The following FBXL17 variants were observed in gnomAD, a reference collection of about 807,000 sequenced individuals.
FBXL17 encodes F-box/LRR-repeat protein 17.
A neutral mutation model predicts 66.2 loss-of-function variants in FBXL17; 22 were observed. That is an observed-to-expected ratio of 0.33 (90% CI 0.24 to 0.47). FBXL17 has a LOEUF of 0.47. Among genes scored for constraint, FBXL17 ranks in the 20% least tolerant of loss-of-function variants. The pLI, the probability that FBXL17 is intolerant of heterozygous loss-of-function variation, is 1.00. For synonymous variants in FBXL17, 474 were observed against 400.5 expected (o/e 1.18, Z -2.19); for missense variants, 878 against 948.2 (o/e 0.93, Z 0.97).
intron 7 of FBXL17, among the ~76,000 whole-genome samples, chr5:107,993,023 G>A (rs1174927553): frequency 1.3e-5 from 2 of 151,996 alleles, no homozygotes; most frequent in Non-Finnish European, 2.9e-5. Flanking sequence ...AGCCTCCCGA[G>A]TAGCTGGGAC....
At chr5:108,010,445 GC>G (rs1754131681) in intron 7 of FBXL17, among the ~76,000 whole-genome samples, 1 of 152,184 alleles carries the variant, frequency 6.6e-6, no homozygotes, top group Non-Finnish European at 1.5e-5. Context: ...GAATGAGGAT[GC>G]TTTAAAACCT....
At chr5:108,219,248 T>A (rs1268208625) in intron 5 of FBXL17, among the ~76,000 whole-genome samples, 1 of 152,206 alleles carries the variant, frequency 6.6e-6, no homozygotes, top group Non-Finnish European at 1.5e-5. Context: ...GATGGGAGTA[T>A]TGGAAAATTT....
chr5:107,875,579 T>C (rs976383062), intron 8 of FBXL17, among the ~76,000 whole-genome samples: 10 of 152,178 alleles, frequency 6.6e-5, no homozygotes, highest in African/African-American at 1.7e-4. Flanking sequence ...AAAGAGCTGA[T>C]TGGTTTCTAT....
chr5:108,323,275 A>C (rs918256803), intron 4 of FBXL17, among the ~76,000 whole-genome samples: 2 of 151,838 alleles, frequency 1.3e-5, no homozygotes, highest in Non-Finnish European at 2.9e-5. Flanking sequence ...TAAAAAAAAA[A>C]CATAAAAAAT....
chr5:108,172,409 A>G lies in FBXL17; in HGVS notation c.1745+13708T>C, dbSNP rs377721735. Among the ~76,000 whole-genome samples the G allele has an allele frequency of 4.6e-4, 70 of 152,326 alleles. 2 individuals are homozygous for G. The South Asian group carries it at 0.014, about 30-fold the overall frequency. On this transcript the variant is annotated intron_variant, in intron 6 of 8. Coordinates refer to ENST00000542267, the MANE Select transcript of FBXL17 (RefSeq NM_001163315.3). The stretch of plus-strand genomic sequence containing the variant: ...GCAAAAGACTCCACCTTTTGATGGG[A>G]GGACAGGCAACGTCATATTGCACAA...
chr5:108,112,364 T>C (rs537888393), intron 6 of FBXL17, among the ~76,000 whole-genome samples: 1 of 152,320 alleles, frequency 6.6e-6, no homozygotes, highest in Admixed American at 6.5e-5. Flanking sequence ...TCACAGGGCA[T>C]TGAGTCAAGG....
intron 7 of FBXL17, among the ~76,000 whole-genome samples, chr5:107,901,118 C>T (rs1004597478): frequency 3.0e-4 from 45 of 152,188 alleles, no homozygotes; most frequent in African/African-American, 9.9e-4. Context: ...ATATTTGTAA[C>T]GATTCTTCAG....
chr5:108,257,171 C>A (rs1176016260), intron 4 of FBXL17, among the ~76,000 whole-genome samples: 1 of 152,050 alleles, frequency 6.6e-6, no homozygotes, highest in South Asian at 2.1e-4. Flanking sequence ...TTTAATGTGA[C>A]GTAATGAAAA....
chr5:108,067,163 A>G (rs1355128491), intron 6 of FBXL17, among the ~76,000 whole-genome samples: 1 of 152,186 alleles, frequency 6.6e-6, no homozygotes, highest in Non-Finnish European at 1.5e-5. Context: ...TTAATAATTT[A>G]CACAACATAG....
At chr5:108,257,958 C>T (rs529444724) in intron 4 of FBXL17, among the ~76,000 whole-genome samples, 17 of 152,204 alleles carry the variant, frequency 1.1e-4, no homozygotes, top group African/African-American at 4.1e-4. Flanking sequence ...ACCTTGATCT[C>T]AAAGACTGAT....
chr5:107,908,249 T>A (rs1041654069), intron 7 of FBXL17, among the ~76,000 whole-genome samples: 1 of 152,194 alleles, frequency 6.6e-6, no homozygotes. Flanking sequence ...GGCTAAGAAC[T>A]AATTCTGATG....
intron 6 of FBXL17, among the ~76,000 whole-genome samples, chr5:108,177,409 C>T (rs1040893018): frequency 3.3e-5 from 5 of 152,028 alleles, no homozygotes; most frequent in African/African-American, 9.7e-5. Flanking sequence ...TTTAGATATC[C>T]CATATGGAAA....
At chr5:108,311,344 G>C (rs1270618591) in intron 4 of FBXL17, among the ~76,000 whole-genome samples, 1 of 151,738 alleles carries the variant, frequency 6.6e-6, no homozygotes, top group Non-Finnish European at 1.5e-5. Flanking sequence ...GCTAATTTTT[G>C]TATTTTTAGT....
chr5:108,087,819 T>A (rs1749028898), intron 6 of FBXL17, among the ~76,000 whole-genome samples: 1 of 152,116 alleles, frequency 6.6e-6, no homozygotes, highest in Non-Finnish European at 1.5e-5. Context: ...AGAACAAATG[T>A]TGGTGAGGCA....
At chr5:108,265,853 A>C (rs1757023954) in intron 4 of FBXL17, among the ~76,000 whole-genome samples, 1 of 152,192 alleles carries the variant, frequency 6.6e-6, no homozygotes, top group Non-Finnish European at 1.5e-5. Flanking sequence ...CATTTCTAAC[A>C]AACTTTTAAG....
intron 4 of FBXL17, among the ~76,000 whole-genome samples, chr5:108,341,537 T>C (rs1381146551): frequency 2.0e-5 from 3 of 152,136 alleles, no homozygotes; most frequent in African/African-American, 7.2e-5. Flanking sequence ...TACTCCTTTT[T>C]GTATTCTATA....
chr5:108,052,235 G>T (rs564212787), intron 6 of FBXL17, among the ~76,000 whole-genome samples: 5 of 151,968 alleles, frequency 3.3e-5, no homozygotes, highest in Non-Finnish European at 7.4e-5. Context: ...AGAAATAAAG[G>T]GTATTCAAAT....
chr5:108,073,707 C>G (rs1748429610), intron 6 of FBXL17, among the ~76,000 whole-genome samples: 1 of 152,132 alleles, frequency 6.6e-6, no homozygotes, highest in African/African-American at 2.4e-5. Context: ...CACTCAGTGT[C>G]ATATTTATAA....
intron 4 of FBXL17, among the ~76,000 whole-genome samples, chr5:108,270,080 A>T (rs1178683041): frequency 6.6e-6 from 1 of 152,146 alleles, no homozygotes; most frequent in Non-Finnish European, 1.5e-5. Context: ...CTAAGATTTC[A>T]AATATGTAGA....
Sources: allele counts gnomAD v4.1 joint callset (sites outside exome capture counted in the v4.1 genomes callset), GRCh38; gene constraint gnomAD v4.1.1; transcripts MANE v1.5; gene names NCBI Gene and HGNC (gene_info 2026-07-23, HGNC 2026-07-21).